The following LARP4B variants were observed in gnomAD, a reference collection of about 807,000 sequenced individuals.
LARP4B encodes the protein la-related protein 4B.
In LARP4B, 12 loss-of-function variants were observed where a neutral mutation model predicts 89.8. That is an observed-to-expected ratio of 0.13 (90% CI 0.09 to 0.22). The LOEUF is 0.22. Ranked by LOEUF, LARP4B falls within the 10% of genes least tolerant of loss-of-function variation. LARP4B has a pLI of 1.00. For missense variants in LARP4B, 757 were observed against 947.7 expected, an observed-to-expected ratio of 0.80 and a Z score of 2.64; for synonymous variants, 367 against 363.3, an observed-to-expected ratio of 1.01 and a Z score of -0.12.
chr10:942,536 G>T, the LARP4B span: 1 of 152,112 alleles, frequency 6.6e-6, no homozygotes, highest in African/African-American at 2.4e-5. Context: ...TCTTTCCAAT[G>T]GAACAGCCTC....
chr10:905,634 C>CA lies in LARP4B; in HGVS notation c.-39-19875dup, dbSNP rs1214190466. On this transcript the variant is annotated intron_variant, in intron 1 of 17. Coordinates refer to ENST00000316157, the MANE Select transcript of LARP4B (RefSeq NM_015155.3). ...ACTGTTTCAACAGCTTATTCTGTCG[C>CA]AAAAAAAAGAAAGTGAACGTGGGGA... Among the ~76,000 whole-genome samples the CA allele has an allele frequency of 1.6e-3, 245 of 151,358 alleles. 7 individuals carry two copies. The highest frequency in any genetic ancestry group is 0.016 in the Admixed American group (238 of 15,204).
the LARP4B span, chr10:972,934 G>A: frequency 4.4e-6 from 2 of 452,156 alleles, no homozygotes; most frequent in African/African-American, 2.0e-5. Flanking sequence ...AGACGCATCA[G>A]CTAAGCTACT....
rs1264665002 is a variant in LARP4B, at chr10:814,262, G to A, written c.1929+480C>T. Among the ~76,000 whole-genome samples, 1 of 152,150 alleles carries A rather than the reference G, an allele frequency of 6.6e-6. No individual in the cohort carries two copies. The highest frequency in any genetic ancestry group is 1.9e-4 in the East Asian group (1 of 5,198). On this transcript the variant is annotated intron_variant, in intron 17 of 17. Coordinates refer to ENST00000316157, the MANE Select transcript of LARP4B (RefSeq NM_015155.3). The surrounding 1 kb of genome is among the most constrained non-coding windows in gnomAD (Gnocchi z 4.4). ...ACAGAGGCCACAACTCAGAGTAAGA[G>A]AGGCCACAGTTCACCCAGTAGGGAA...
At chr10:873,415 T>C (rs1835322420) in intron 3 of LARP4B, 1 of 985,092 alleles carries the variant, frequency 1.0e-6, no homozygotes, top group South Asian at 4.7e-5. Flanking sequence ...CGCTGTATTT[T>C]TTCTTACTCT....
chr10:945,598 G>A, the LARP4B span, among the ~76,000 whole-genome samples: 1 of 151,460 alleles, frequency 6.6e-6, no homozygotes, highest in African/African-American at 2.4e-5. Flanking sequence ...TGGGGCAGGA[G>A]AATGGGGTGA....
rs72778226 is a variant in LARP4B at position 890,686 on chromosome 10, T to C, written c.-39-4926A>G. ...GAATCCCTGGAGCAAATTGTGATTTTGCAATTTTGTAGTTTGGACTTTTTT... is the reference window on the plus strand; with the variant it reads ...GAATCCCTGGAGCAAATTGTGATTTCGCAATTTTGTAGTTTGGACTTTTTT... On this transcript the variant is annotated intron_variant, in intron 1 of 17. Transcript: ENST00000316157. Among the ~76,000 whole-genome samples, 1,043 of 152,270 alleles carry C rather than the reference T, an allele frequency of 6.8e-3. 6 individuals are homozygous for C. Among genetic ancestry groups the C allele is most frequent in the Non-Finnish European group, 0.011 (762 of 68,028 alleles).
the LARP4B span, among the ~76,000 whole-genome samples, chr10:958,264 C>G: frequency 3.3e-5 from 5 of 152,184 alleles, no homozygotes; most frequent in African/African-American, 1.2e-4. Context: ...TAGCTGGGTG[C>G]TTGCAAACCT....
chr10:971,317 G>A, the LARP4B span: 2 of 152,162 alleles, frequency 1.3e-5, no homozygotes, highest in African/African-American at 4.8e-5. Context: ...TGAAGCACAA[G>A]GACAGGGGAG....
intron 5 of LARP4B, among the ~76,000 whole-genome samples, chr10:851,819 T>A (rs886286118): frequency 2.0e-5 from 3 of 152,032 alleles, no homozygotes. Context: ...AATCTCAGCA[T>A]CTAGAGAGGC....
At chr10:977,750 T>G in the LARP4B span, among the ~76,000 whole-genome samples, 1 of 152,218 alleles carries the variant, frequency 6.6e-6, no homozygotes, top group South Asian at 2.1e-4. Flanking sequence ...ACAGGAGGAT[T>G]GCATAGGTTA....
chr10:924,405 A>G (rs1012155275), intron 1 of LARP4B: 1 of 152,234 alleles, frequency 6.6e-6, no homozygotes, highest in Non-Finnish European at 1.5e-5. Context: ...TAACACCCAC[A>G]TGTGACCACT....
chr10:811,091 GA>G lies in LARP4B; in HGVS notation c.*1834del, dbSNP rs2131583175. ...GTATGCATTTACATACATTTTAAAA[GA>G]GTATGAAAACATCTGGAGGCTTTTA... On this transcript the variant is annotated 3_prime_UTR_variant, in exon 18 of 18. Transcript: ENST00000316157. The G allele has an allele frequency of 6.5e-6, 1 of 152,688 alleles. No homozygotes were observed. Among genetic ancestry groups the G allele is most frequent in the Admixed American group, 6.5e-5 (1 of 15,302 alleles). The allele number at this position is 152,688 out of a possible 1,614,324, so 9.5% of individuals were successfully genotyped here.
intron 3 of LARP4B, among the ~76,000 whole-genome samples, chr10:880,420 C>T (rs552231719): frequency 6.6e-6 from 1 of 152,200 alleles, no homozygotes; most frequent in African/African-American, 2.4e-5. Flanking sequence ...GGTGCAGTGG[C>T]TCAAGCCTGT....
intron 7 of LARP4B, among the ~76,000 whole-genome samples, chr10:842,581 G>A (rs1246492257): frequency 6.6e-6 from 1 of 152,136 alleles, no homozygotes; most frequent in Non-Finnish European, 1.5e-5. Context: ...AACCTCTAGT[G>A]GTAAAACTGT....
chr10:924,050 A>G (rs752991925), intron 1 of LARP4B, among the ~76,000 whole-genome samples: 3 of 152,040 alleles, frequency 2.0e-5, no homozygotes, highest in Non-Finnish European at 4.4e-5. Flanking sequence ...ACTGGGCAAC[A>G]TAGTGAGACC....
At chr10:930,288 T>A (rs1342499969) in intron 1 of LARP4B, among the ~76,000 whole-genome samples, 1 of 152,188 alleles carries the variant, frequency 6.6e-6, no homozygotes, top group Non-Finnish European at 1.5e-5. Flanking sequence ...GTTGCTCTCA[T>A]CTCTAGAAAA....
chr10:874,744 A>G (rs1835389780), intron 3 of LARP4B, among the ~76,000 whole-genome samples: 1 of 152,222 alleles, frequency 6.6e-6, no homozygotes, highest in South Asian at 2.1e-4. Flanking sequence ...TTTTAAAAAT[A>G]TTAACATTTT....
At chr10:868,468 T>C (rs1451568099) in intron 3 of LARP4B, among the ~76,000 whole-genome samples, 5 of 151,792 alleles carry the variant, frequency 3.3e-5, no homozygotes, top group African/African-American at 1.2e-4. Flanking sequence ...GTGGTAACGC[T>C]TCGTATGAGA....
intron 11 of LARP4B, among the ~76,000 whole-genome samples, chr10:827,240 C>A (rs1294310828): frequency 2.6e-5 from 4 of 151,328 alleles, no homozygotes; most frequent in Non-Finnish European, 5.9e-5. Flanking sequence ...CCGGCCACTG[C>A]ACTCCAGCCT....
Sources: allele counts gnomAD v4.1 joint callset (sites outside exome capture counted in the v4.1 genomes callset), GRCh38; gene constraint gnomAD v4.1.1; non-coding constraint Gnocchi (gnomAD v3.1); transcripts MANE v1.5; gene names NCBI Gene and HGNC (gene_info 2026-07-23, HGNC 2026-07-21).